DGKI: variants seen among roughly 807,000 people sequenced by gnomAD.
DGKI encodes DAG kinase iota.
In DGKI, 55 loss-of-function variants were observed where a neutral mutation model predicts 147.5. The observed-to-expected ratio is 0.37, with a 90% CI of 0.30 to 0.47. The LOEUF (loss-of-function observed/expected upper bound fraction) is 0.47, where lower values mean the gene tolerates loss of function less well. Among genes scored for constraint, DGKI ranks in the 20% least tolerant of loss-of-function variants. DGKI has a pLI of 1.00. For missense variants in DGKI, 1,007 were observed against 1,323.8 expected (o/e 0.76, Z 3.71); for synonymous variants, 469 against 477.1 (o/e 0.98, Z 0.22).
intron 1 of DGKI, among the ~76,000 whole-genome samples, chr7:137,803,412 T>C (rs780994741): frequency 6.6e-6 from 1 of 152,190 alleles, no homozygotes; most frequent in Non-Finnish European, 1.5e-5. Flanking sequence ...GATTCTGATA[T>C]AGGAAACATG....
chr7:137,443,694 G>A (rs1376171918), intron 28 of DGKI, among the ~76,000 whole-genome samples: 1 of 152,022 alleles, frequency 6.6e-6, no homozygotes, highest in African/African-American at 2.4e-5. Context: ...ATTCTGGAAG[G>A]GACTGTAGGG....
At chr7:137,402,641 T>C (rs1388199396) in intron 30 of DGKI, among the ~76,000 whole-genome samples, 5 of 152,204 alleles carry the variant, frequency 3.3e-5, no homozygotes, top group Non-Finnish European at 7.3e-5. Flanking sequence ...CAAATCCCCT[T>C]TGCTATTCCT....
Position 137,412,936 on chromosome 7 carries a change from TAC to T in DGKI, c.2762-731_2762-730del, listed in dbSNP as rs1257078806. ...ACGTAGCCTTAGGGAAAAAAAAATA[TAC>T]GTGTCTAATGATTCATGCACCTTAT... On this transcript the variant is annotated intron_variant, in intron 28 of 32. Coordinates refer to ENST00000614521, the MANE Select transcript of DGKI (RefSeq NM_001321708.2). Among the ~76,000 whole-genome samples, 7 of 151,142 alleles carry T rather than the reference TAC, an allele frequency of 4.6e-5. No homozygotes were observed. In the South Asian group the frequency reaches 8.4e-4, roughly 18 times the overall value.
At chr7:137,569,889 G>A (rs551746742) in intron 19 of DGKI, among the ~76,000 whole-genome samples, 3 of 151,530 alleles carry the variant, frequency 2.0e-5, no homozygotes, top group Admixed American at 6.6e-5. Context: ...GTGTTACAAC[G>A]CTGGAAAGTA....
chr7:137,716,121 G>C (rs1461590949), intron 1 of DGKI, among the ~76,000 whole-genome samples: 1 of 152,170 alleles, frequency 6.6e-6, no homozygotes, highest in Admixed American at 6.5e-5. Context: ...CAATGCTTTT[G>C]TGTAAGAGAT....
At chr7:137,434,078 C>T (rs1813186119) in intron 28 of DGKI, among the ~76,000 whole-genome samples, 1 of 150,244 alleles carries the variant, frequency 6.7e-6, no homozygotes, top group Non-Finnish European at 1.5e-5. Flanking sequence ...GAGATCATGC[C>T]ACTGCACTAC....
intron 21 of DGKI, among the ~76,000 whole-genome samples, chr7:137,517,337 A>AAGAAAGAGAGAG (rs1554421311): frequency 8.6e-6 from 1 of 116,702 alleles, no homozygotes; most frequent in African/African-American, 3.1e-5. Context: ...GAAAGAAAGA[A>AAGAAAGAGAGAG]AGAGAAAGAA....
At chr7:137,753,578 G>A (rs1459075884) in intron 1 of DGKI, among the ~76,000 whole-genome samples, 3 of 152,168 alleles carry the variant, frequency 2.0e-5, no homozygotes, top group Non-Finnish European at 2.9e-5. Flanking sequence ...AGAGAGGAAC[G>A]GGTTGTAAAG....
intron 6 of DGKI, among the ~76,000 whole-genome samples, chr7:137,642,130 T>C (rs1178480673): frequency 6.6e-6 from 1 of 152,228 alleles, no homozygotes; most frequent in Non-Finnish European, 1.5e-5. Context: ...CAATTCCATC[T>C]GCCTCTCAAG....
At chr7:137,552,623 T>G (rs1295641053) in intron 19 of DGKI, 55 bp from the exon 20 acceptor site, 2 of 1,583,106 alleles carry the variant, frequency 1.3e-6, no homozygotes, top group African/African-American at 2.7e-5. Context: ...TTAAGAAAGC[T>G]GGAGGCCAGG....
intron 1 of DGKI, among the ~76,000 whole-genome samples, chr7:137,792,493 A>G (rs1383511882): frequency 2.6e-5 from 4 of 152,236 alleles, no homozygotes; most frequent in African/African-American, 7.2e-5. Flanking sequence ...CGATAGCACC[A>G]GGAGGTTCTT....
intron 1 of DGKI, among the ~76,000 whole-genome samples, chr7:137,842,603 G>T (rs1012977762): frequency 6.6e-6 from 1 of 152,114 alleles, no homozygotes; most frequent in Non-Finnish European, 1.5e-5. Flanking sequence ...AGGTACCGAT[G>T]GGCCAGCTCT....
chr7:137,663,137 C>A (rs971573549), intron 3 of DGKI, among the ~76,000 whole-genome samples: 2 of 152,200 alleles, frequency 1.3e-5, no homozygotes, highest in Non-Finnish European at 2.9e-5. Flanking sequence ...GAAATTCAGT[C>A]CACCAATTAT....
At chr7:137,767,595 GAGA>G (rs148266049) in intron 1 of DGKI, among the ~76,000 whole-genome samples, 3,201 of 150,710 alleles carry the variant, frequency 0.021, 173 homozygotes, top group African/African-American at 0.075. Flanking sequence ...GAGAAGAGAA[GAGA>G]AGGAGAAGAG....
At chr7:137,754,530 C>T (rs1345261605) in intron 1 of DGKI, among the ~76,000 whole-genome samples, 1 of 152,206 alleles carries the variant, frequency 6.6e-6, no homozygotes, top group Non-Finnish European at 1.5e-5. Context: ...TTACCCTTTT[C>T]ATTCGGAGCT....
intron 6 of DGKI, among the ~76,000 whole-genome samples, chr7:137,626,132 T>C (rs1189113556): frequency 1.3e-5 from 2 of 152,114 alleles, no homozygotes; most frequent in Non-Finnish European, 2.9e-5. Context: ...TTACTTTGCA[T>C]CCTTGTGTTG....
intron 8 of DGKI, among the ~76,000 whole-genome samples, chr7:137,613,064 A>G (rs1028896546): frequency 3.9e-5 from 6 of 152,150 alleles, no homozygotes; most frequent in Admixed American, 3.9e-4. Context: ...CTGGGCTATT[A>G]AGAAATAGTT....
At chr7:137,688,204 C>A (rs1823487039) in intron 2 of DGKI, among the ~76,000 whole-genome samples, 1 of 152,144 alleles carries the variant, frequency 6.6e-6, no homozygotes, top group South Asian at 2.1e-4. Context: ...TTTCTGCCCA[C>A]AGGATTCTAA....
chr7:137,447,153 C>T (rs1179954030), intron 27 of DGKI, among the ~76,000 whole-genome samples: 1 of 152,000 alleles, frequency 6.6e-6, no homozygotes, highest in Non-Finnish European at 1.5e-5. Context: ...CAAAATAATA[C>T]AAAACAAAAA....
Sources: gnomAD v4.1 joint callset for allele counts (sites outside exome capture counted in the v4.1 genomes callset) on GRCh38, gnomAD v4.1.1 for gene constraint, MANE v1.5 for transcripts, NCBI Gene and HGNC (gene_info 2026-07-23, HGNC 2026-07-21) for gene names.